The following TNFRSF10A variants were observed in gnomAD, a reference collection of about 807,000 sequenced individuals.
The protein encoded by TNFRSF10A is tumor necrosis factor receptor superfamily member 10A.
In TNFRSF10A, 44 loss-of-function variants were observed where a neutral mutation model predicts 42.8. That is an observed-to-expected ratio of 1.03 (90% confidence interval 0.81 to 1.32). The LOEUF (loss-of-function observed/expected upper bound fraction) is 1.32. TNFRSF10A is among the 40% of genes most tolerant of loss of function. The pLI is 0.00. For missense variants in TNFRSF10A, 680 were observed against 602.0 expected (o/e 1.13, Z -1.36); for synonymous variants, 259 against 234.2 (o/e 1.11, Z -0.97).
At chr8:23,195,145 TGA>T (rs1800805437) in intron 9 of TNFRSF10A, among the ~76,000 whole-genome samples, 1 of 152,110 alleles carries the variant, frequency 6.6e-6, no homozygotes, top group Non-Finnish European at 1.5e-5. Flanking sequence ...GGTGACAGAG[TGA>T]GACTCTGTCT....
At chr8:23,210,497 C>T (rs150804531) in intron 2 of TNFRSF10A, among the ~76,000 whole-genome samples, 2,691 of 152,046 alleles carry the variant, frequency 0.018, 64 homozygotes, top group African/African-American at 0.061. Flanking sequence ...CTGGTTAACA[C>T]GGTGAAACCC....
chr8:23,210,067 A>G (rs964425611), intron 2 of TNFRSF10A, among the ~76,000 whole-genome samples: 1 of 152,180 alleles, frequency 6.6e-6, no homozygotes, highest in African/African-American at 2.4e-5. Flanking sequence ...GGTTATTATA[A>G]GGTGGAGTTT....
intron 1 of TNFRSF10A, among the ~76,000 whole-genome samples, chr8:23,219,212 C>T (rs908130495): frequency 5.3e-5 from 8 of 152,046 alleles, no homozygotes; most frequent in African/African-American, 1.9e-4. Context: ...CATTTGTCCT[C>T]CCACCACCAC....
At chr8:23,197,597 T>G (rs1800844250) in intron 8 of TNFRSF10A, among the ~76,000 whole-genome samples, 1 of 152,170 alleles carries the variant, frequency 6.6e-6, no homozygotes, top group South Asian at 2.1e-4. Context: ...CTCTACATTA[T>G]GATAAGTTGT....
chr8:23,202,236 C>T (rs1195471032), intron 3 of TNFRSF10A, among the ~76,000 whole-genome samples: 1 of 152,180 alleles, frequency 6.6e-6, no homozygotes, highest in Non-Finnish European at 1.5e-5. Context: ...GAAGAGGAGC[C>T]CTTGGGTGAC....
At chr8:23,200,948 C>T (rs1166344540) in intron 4 of TNFRSF10A, among the ~76,000 whole-genome samples, 188 bp from the exon 5 acceptor site, 2 of 152,190 alleles carry the variant, frequency 1.3e-5, no homozygotes, top group Non-Finnish European at 2.9e-5. Flanking sequence ...AGCATGCACA[C>T]TTTACCCCCT....
rs551720650 is a variant in TNFRSF10A at position 23,200,538 on chromosome 8, C to T, written c.766G>A (p.Ala256Thr). 58 of 1,614,076 alleles carry T rather than the reference C, an allele frequency of 3.6e-5. No individual in the cohort carries two copies. The highest frequency in any genetic ancestry group is 4.9e-5 in the Non-Finnish European group (58 of 1,180,026). ...ATGCAACAACAGACAATCAGCACAG[C>T]CACCAACAGCAACGGAACAACCAAA... is the stretch of plus-strand genomic sequence containing the variant. ...VTLVVPLLLV[A>T]VLIVCCCIGS... Residue 256 changes from alanine (A) to threonine (T), a missense_variant, in exon 6 of 10, where the codon GCT becomes ACT. By Grantham distance (58) the Ala-to-Thr change is moderately conservative (BLOSUM62 0). Transcript: ENST00000221132.
intron 4 of TNFRSF10A, among the ~76,000 whole-genome samples, chr8:23,201,453 C>A (rs1384216755): frequency 6.6e-6 from 1 of 152,184 alleles, no homozygotes. Context: ...CAGCTGGATT[C>A]TATACCATTA....
At chr8:23,192,295 G>A (rs541386223) in intron 9 of TNFRSF10A, among the ~76,000 whole-genome samples, 4 of 152,336 alleles carry the variant, frequency 2.6e-5, no homozygotes, top group East Asian at 3.9e-4. Context: ...TTGACCCTAC[G>A]GAGGCAGAAA....
At chr8:23,220,560 CCA>C (rs1801243471) in intron 1 of TNFRSF10A, among the ~76,000 whole-genome samples, 1 of 152,222 alleles carries the variant, frequency 6.6e-6, no homozygotes, top group Admixed American at 6.5e-5. Context: ...CCTTTATAAA[CCA>C]CAGTGGTCTG....
At chr8:23,220,946 G>A (rs1801248093) in intron 1 of TNFRSF10A, among the ~76,000 whole-genome samples, 1 of 152,222 alleles carries the variant, frequency 6.6e-6, no homozygotes, top group African/African-American at 2.4e-5. Flanking sequence ...CCACCAGAAG[G>A]ACAACTGGAA....
intron 9 of TNFRSF10A, 21 bp downstream of exon 9, chr8:23,197,111 C>T: frequency 6.2e-7 from 1 of 1,614,116 alleles, no homozygotes; most frequent in Admixed American, 1.7e-5. Flanking sequence ...TCTGCTGCAT[C>T]TCCAGGAGCA....
intron 1 of TNFRSF10A, among the ~76,000 whole-genome samples, chr8:23,222,347 A>T (rs544272861): frequency 6.6e-6 from 1 of 152,236 alleles, no homozygotes; most frequent in Non-Finnish European, 1.5e-5. Flanking sequence ...CATATGACAC[A>T]TACAAGGGTT....
At chr8:23,224,363 G>A (rs1269689951) in intron 1 of TNFRSF10A, 1 of 192,862 alleles carries the variant, frequency 5.2e-6, no homozygotes, top group East Asian at 1.5e-4. Flanking sequence ...AGGGAATCAG[G>A]GAGTGGGGAG....
intron 8 of TNFRSF10A, 26 bp downstream of exon 8, chr8:23,199,240 C>T: frequency 6.2e-7 from 1 of 1,603,180 alleles, no homozygotes; most frequent in Non-Finnish European, 8.5e-7. Flanking sequence ...CCTACAAGGT[C>T]TTGGAGGGGC....
chr8:23,197,084 T>A, intron 9 of TNFRSF10A, 48 bp downstream of exon 9: 1 of 1,612,410 alleles, frequency 6.2e-7, no homozygotes, highest in Non-Finnish European at 8.5e-7. Flanking sequence ...TAGGACACCG[T>A]CCCTATTCCC....
intron 2 of TNFRSF10A, among the ~76,000 whole-genome samples, chr8:23,211,303 T>C (rs947606982): frequency 6.6e-6 from 1 of 152,146 alleles, no homozygotes; most frequent in Non-Finnish European, 1.5e-5. Flanking sequence ...TTATCCACAA[T>C]AGCATAAAAA....
chr8:23,195,359 A>G (rs1585278775), intron 9 of TNFRSF10A, among the ~76,000 whole-genome samples: 1 of 152,078 alleles, frequency 6.6e-6, no homozygotes, highest in South Asian at 2.1e-4. Context: ...TTTGCTATTT[A>G]TAGCCTTTAA....
At position 23,191,951 on chromosome 8, in the gene TNFRSF10A, T is replaced by C. The variant is rs1800761377; in HGVS notation, c.1150A>G (p.Met384Val). The C allele has an allele frequency of 1.2e-6, 2 of 1,614,172 alleles. No individual in the cohort carries two copies. The highest frequency in any genetic ancestry group is 1.7e-6 in the Non-Finnish European group (2 of 1,180,040). The change falls in exon 10 of 10, where the codon ATG becomes GTG. Residue 384 changes from methionine to valine, a missense_variant. Met to Val is a conservative substitution (Grantham distance 21, BLOSUM62 1). Transcript: ENST00000221132. ...IVPFDSWDQL[M>V]RQLDLTKNEI... ...TTTTTCGTGAGGTCCAGCTGCCTCA[T>C]GAGCTGGTCCCAGGAGTCAAAGGGC...
Sources: gnomAD v4.1 joint callset for allele counts (sites outside exome capture counted in the v4.1 genomes callset) on GRCh38, gnomAD v4.1.1 for gene constraint, MANE v1.5 for transcripts, NCBI Gene and HGNC (gene_info 2026-07-23, HGNC 2026-07-21) for gene names.